The following SMARCA4 variants were observed in gnomAD, a reference collection of about 807,000 sequenced individuals.
SMARCA4 encodes SWI/SNF-related matrix-associated actin-dependent regulator of chromatin subfamily A member 4.
A neutral mutation model predicts 193.9 loss-of-function variants in SMARCA4; 31 were observed. That is an observed-to-expected ratio of 0.16 (90% CI 0.12 to 0.22). The LOEUF (loss-of-function observed/expected upper bound fraction) is 0.22, where lower values mean the gene tolerates loss of function less well. SMARCA4 is among the 10% of genes least tolerant of loss of function. The pLI is 1.00. For missense variants in SMARCA4, 1,148 were observed against 2,296.0 expected, an observed-to-expected ratio of 0.50 and a Z score of 10.22; for synonymous variants, 942 against 933.1, an observed-to-expected ratio of 1.01 and a Z score of -0.17.
At chr19:11,008,321 C>T in intron 14 of SMARCA4, 1 of 382,402 alleles carries the variant, frequency 2.6e-6, no homozygotes. Flanking sequence ...ACTACCCTCC[C>T]TGGGGAAACT....
chr19:11,052,049 T>C (rs2076291334), intron 30 of SMARCA4, among the ~76,000 whole-genome samples: 2 of 151,998 alleles, frequency 1.3e-5, no homozygotes, highest in South Asian at 4.2e-4. Flanking sequence ...GAGCCGAGAT[T>C]GTGCCACTGC....
rs999814920 is a variant in SMARCA4 at position 11,058,947 on chromosome 19, A to C, written c.4635+58A>C. The C allele has an allele frequency of 1.5e-6, 2 of 1,327,134 alleles. No individual in the cohort carries two copies. The highest frequency in any genetic ancestry group is 2.3e-5 in the East Asian group (1 of 43,088). The allele number at this position is 1,327,134 out of a possible 1,614,324, so 82.2% of individuals were successfully genotyped here. On this transcript the variant is annotated intron_variant, in intron 32 of 34. Transcript: ENST00000344626. This position sits in a 1 kb window ranked among gnomAD's most constrained non-coding sequence, Gnocchi z 5.8. The stretch of plus-strand genomic sequence containing the variant: ...ACTCCCACAGCTGGGCTTTGACCCA[A>C]CCCGCCCCTCCTTCCCTTCTGAATT...
chr19:11,010,588 C>T (rs2088733981), intron 15 of SMARCA4, 57 bp downstream of exon 15: 3 of 1,573,892 alleles, frequency 1.9e-6, no homozygotes, highest in South Asian at 1.1e-5. Flanking sequence ...CAGGTGTTCC[C>T]AGGTGGTGCG....
At chr19:10,990,854 C>T (rs1405204886) in intron 7 of SMARCA4, among the ~76,000 whole-genome samples, 1 of 152,256 alleles carries the variant, frequency 6.6e-6, no homozygotes, top group Non-Finnish European at 1.5e-5. Context: ...GCCACCACAC[C>T]CAGCCAAGAG....
chr19:10,979,736 T>C (rs2085416003), intron 1 of SMARCA4, among the ~76,000 whole-genome samples: 1 of 151,386 alleles, frequency 6.6e-6, no homozygotes, highest in African/African-American at 2.4e-5. Context: ...ATATATGTAT[T>C]ATAGACGTGA....
intron 11 of SMARCA4, 105 bp from the exon 12 acceptor site, chr19:11,002,924 A>T (rs1479568614): frequency 7.5e-7 from 1 of 1,325,252 alleles, no homozygotes; most frequent in African/African-American, 1.4e-5. Context: ...TTTGCCTGCC[A>T]TTTTCTGTGC....
At chr19:11,060,621 T>A in intron 34 of SMARCA4, 1 of 244,314 alleles carries the variant, frequency 4.1e-6, no homozygotes. Context: ...GTGGATAGTT[T>A]TTGGGGTGCA....
rs2146496283 is a variant in SMARCA4, at chr19:11,025,433, C to T, written c.3093C>T (p.Gly1031=). Residue 1031 remains glycine (G), a synonymous_variant, in exon 22 of 35, where the codon GGC becomes GGT. Coordinates refer to ENST00000344626, the MANE Select transcript of SMARCA4 (RefSeq NM_003072.5). The part of the protein sequence containing the change: ...GSEKDKKGKG[G]TKTLMNTIMQ... ...CATCTGCCTTCCAGGGCAAAGGCGG[C>T]ACCAAGACCCTGATGAACACCATCA... is the stretch of plus-strand genomic sequence containing the variant. 6.2e-7 allele frequency: 1 copy of T among 1,613,052 alleles called. No homozygotes were observed. The highest frequency in any genetic ancestry group is 8.5e-7 in the Non-Finnish European group (1 of 1,179,638).
intron 30 of SMARCA4, among the ~76,000 whole-genome samples, chr19:11,044,434 A>T (rs773639131): frequency 6.6e-6 from 1 of 152,178 alleles, no homozygotes; most frequent in Non-Finnish European, 1.5e-5. Context: ...CTCCTCATAG[A>T]TGAGGAAAAG....
intron 13 of SMARCA4, among the ~76,000 whole-genome samples, chr19:11,004,220 T>C (rs1488573771): frequency 6.6e-6 from 1 of 151,296 alleles, no homozygotes; most frequent in Non-Finnish European, 1.5e-5. Context: ...TTACACCATG[T>C]TGGCCAGTCT....
chr19:10,971,839 A>G lies in SMARCA4; in HGVS notation c.-32+10665A>G, dbSNP rs997718189. 3.3e-5 allele frequency among the ~76,000 whole-genome samples: 5 copies of G among 150,308 alleles called. No individual in the cohort carries two copies. The East Asian group carries it at 7.9e-4, about 24-fold the overall frequency. The stretch of plus-strand genomic sequence containing the variant: ...TTCTTGTCGCCCAGGCTGGAGTGCA[A>G]TGGTGCGATCTTGGCTCACTCCAAC... On this transcript the variant is annotated intron_variant, in intron 1 of 34. Coordinates refer to ENST00000344626, the MANE Select transcript of SMARCA4 (RefSeq NM_003072.5).
In SMARCA4 at chr19:10,996,491, C is replaced by T. The variant is rs1458518590; in HGVS notation, c.1762-3C>T. 2.5e-6 allele frequency: 4 copies of T among 1,614,102 alleles called. No homozygotes were observed. The South Asian group carries it at 3.3e-5, about 13-fold the overall frequency. Reference sequence around the variant, plus strand: ...GCCTGACCGTGTCTCTCTCTATTTCCAGAAGGCAGAAAATGCAGAAGGACA... The same window carrying T: ...GCCTGACCGTGTCTCTCTCTATTTCTAGAAGGCAGAAAATGCAGAAGGACA... On this transcript the variant is annotated splice_region_variant and splice_polypyrimidine_tract_variant and intron_variant, in intron 10 of 34. Transcript: ENST00000344626.
chr19:10,988,740 G>A (rs542888435), intron 6 of SMARCA4, among the ~76,000 whole-genome samples: 1 of 152,264 alleles, frequency 6.6e-6, no homozygotes, highest in South Asian at 2.1e-4. Flanking sequence ...TTTATGGCCT[G>A]TGTTTTCTAA....
intron 30 of SMARCA4, among the ~76,000 whole-genome samples, chr19:11,049,220 G>T (rs1191425110): frequency 6.6e-6 from 1 of 152,146 alleles, no homozygotes; most frequent in South Asian, 2.1e-4. Context: ...GGCTTGAGTG[G>T]GGCTGCGCCA....
At chr19:11,027,641 G>T (rs1223741825) in intron 23 of SMARCA4, 143 bp from the exon 24 acceptor site, 3 of 856,596 alleles carry the variant, frequency 3.5e-6, no homozygotes, top group Non-Finnish European at 5.8e-6. Context: ...CTTTGGGTGG[G>T]TGACGTCTGC....
chr19:10,988,180 G>A (rs1357512032), intron 6 of SMARCA4, among the ~76,000 whole-genome samples: 2 of 151,854 alleles, frequency 1.3e-5, no homozygotes, highest in African/African-American at 4.8e-5. Flanking sequence ...GAGTGCAATG[G>A]CACAATCTCG....
chr19:10,961,248 A>G (rs1244082681), intron 1 of SMARCA4, 74 bp downstream of exon 1: 1 of 144,172 alleles, frequency 6.9e-6, no homozygotes, highest in Non-Finnish European at 1.5e-5. Context: ...CGGGGCGCCG[A>G]GGGGGGAGGG....
At chr19:11,010,666 G>T (rs922264894) in intron 15 of SMARCA4, 135 bp downstream of exon 15, 2 of 849,888 alleles carry the variant, frequency 2.4e-6, no homozygotes, top group African/African-American at 1.6e-5. Flanking sequence ...CTTCCCCTCT[G>T]AGCCTCGGTT....
At position 10,987,058 on chromosome 19, in the gene SMARCA4, T is replaced by C. The variant is rs1458521795; in HGVS notation, c.859+55T>C. On this transcript the variant is annotated intron_variant, in intron 5 of 34. Coordinates refer to ENST00000344626, the MANE Select transcript of SMARCA4 (RefSeq NM_003072.5). The surrounding 1 kb of genome is among the most constrained non-coding windows in gnomAD (Gnocchi z 5.3). ...CGTGCCCTTACTCCCCATCTCAAGC[T>C]TGGGTCCTTGAGATGAGCTTTGTCA... The C allele has an allele frequency of 7.7e-7, 1 of 1,302,474 alleles. No homozygotes were observed. Among genetic ancestry groups the C allele is most frequent in the African/African-American group, 1.4e-5 (1 of 69,116 alleles). The allele number at this position is 1,302,474 out of a possible 1,614,324, so 80.7% of individuals were successfully genotyped here.
Sources: gnomAD v4.1 joint callset for allele counts (sites outside exome capture counted in the v4.1 genomes callset) on GRCh38, gnomAD v4.1.1 for gene constraint, Gnocchi (gnomAD v3.1) non-coding constraint, MANE v1.5 for transcripts, NCBI Gene and HGNC (gene_info 2026-07-23, HGNC 2026-07-21) for gene names.